RFTN1: variants seen among roughly 807,000 people sequenced by gnomAD.
RFTN1 encodes raftlin.
RFTN1 carries 26 observed loss-of-function variants against 46.5 expected under a neutral mutation model. That is an observed-to-expected ratio of 0.56 (90% CI 0.41 to 0.78). The LOEUF is 0.78. Ranked by LOEUF, RFTN1 falls within the 30% of genes least tolerant of loss-of-function variation. The pLI is 0.00. For synonymous variants in RFTN1, 261 were observed against 284.2 expected (o/e 0.92, Z 0.82); for missense variants, 693 against 718.7 (o/e 0.96, Z 0.41).
chr3:16,476,140 T>C (rs1030255247), intron 2 of RFTN1, among the ~76,000 whole-genome samples: 2 of 152,230 alleles, frequency 1.3e-5, no homozygotes, highest in African/African-American at 4.8e-5. Flanking sequence ...CTGTGCAAAC[T>C]GCATCCTCGC....
chr3:16,332,191 A>C lies in RFTN1; in HGVS notation c.1147-5315T>G, dbSNP rs984816965. On this transcript the variant is annotated intron_variant, in intron 7 of 9. Coordinates refer to ENST00000334133, the MANE Select transcript of RFTN1 (RefSeq NM_015150.2). ...AAATGTATTTTTCCCCCCTTTGATA[A>C]GTTTTCTCCCCTCCCTTTTCTATCT... 3.3e-5 allele frequency among the ~76,000 whole-genome samples: 5 copies of C among 151,786 alleles called. No individual in the cohort carries two copies. In the East Asian group the frequency reaches 9.6e-4, roughly 29 times the overall value.
At chr3:16,510,250 G>A (rs775352834) in intron 1 of RFTN1, among the ~76,000 whole-genome samples, 55 of 152,326 alleles carry the variant, frequency 3.6e-4, no homozygotes, top group Admixed American at 1.7e-3. Context: ...CCAAGCCGGT[G>A]AAATCCAAGG....
chr3:16,356,672 C>T lies in RFTN1; in HGVS notation c.1146+1260G>A, dbSNP rs957028221. Among the ~76,000 whole-genome samples, 2 of 152,240 alleles carry T rather than the reference C, an allele frequency of 1.3e-5. No homozygotes were observed. Among genetic ancestry groups the T allele is most frequent in the African/African-American group, 4.8e-5 (2 of 41,468 alleles). The stretch of plus-strand genomic sequence containing the variant: ...CTGGCAGGCACAAGGGTGTGGCAAG[C>T]ACTGGCTGTCTAGAGGGTCCCAGTG... On this transcript the variant is annotated intron_variant, in intron 7 of 9. Coordinates refer to ENST00000334133, the MANE Select transcript of RFTN1 (RefSeq NM_015150.2). This position sits in a 1 kb window ranked among gnomAD's most constrained non-coding sequence, Gnocchi z 4.9.
chr3:16,354,806 C>T (rs1006800962), intron 7 of RFTN1, among the ~76,000 whole-genome samples: 10 of 152,250 alleles, frequency 6.6e-5, no homozygotes, highest in Non-Finnish European at 5.9e-5. Flanking sequence ...TTACTATCAA[C>T]AGCCAAGAAC....
chr3:16,332,304 A>T, intron 7 of RFTN1, among the ~76,000 whole-genome samples: 2 of 150,184 alleles, frequency 1.3e-5, no homozygotes, highest in African/African-American at 2.5e-5. Context: ...TACTCTTTTA[A>T]TTTTGCTTTC....
rs115904034 is a variant in RFTN1, at chr3:16,501,382, A to G, written c.-8-7505T>C. 4.9e-3 allele frequency among the ~76,000 whole-genome samples: 753 copies of G among 152,368 alleles called. 5 individuals are homozygous for G. The highest frequency in any genetic ancestry group is 0.016 in the African/African-American group (652 of 41,592). On this transcript the variant is annotated intron_variant, in intron 1 of 9. Transcript: ENST00000334133. The stretch of plus-strand genomic sequence containing the variant: ...AGACTATTTTTCAGCTATAACGTAG[A>G]AAAGGCTTAGTTTAAAAGTTCATTT...
rs114705017 is a variant in RFTN1 at position 16,316,631 on chromosome 3, T to C, written c.*197A>G. ...CTAACACTGGGTCATTAATGACACC[T>C]TTCCAGTGGATGTGCAAAAACCAAC... is the stretch of plus-strand genomic sequence containing the variant. On this transcript the variant is annotated 3_prime_UTR_variant, in exon 10 of 10. Transcript: ENST00000334133. This position sits in a 1 kb window ranked among gnomAD's most constrained non-coding sequence, Gnocchi z 4.5. 5.2e-4 allele frequency: 354 copies of C among 675,942 alleles called. No homozygotes were observed. In the African/African-American group the frequency reaches 5.7e-3, roughly 11 times the overall value. 41.9% of individuals were successfully genotyped at this position (675,942 alleles called of 1,614,324 possible).
At chr3:16,437,490 C>T (rs2075538168) in intron 2 of RFTN1, among the ~76,000 whole-genome samples, 1 of 151,926 alleles carries the variant, frequency 6.6e-6, no homozygotes, top group African/African-American at 2.4e-5. Context: ...AAAACTCCAT[C>T]TGTACAAAAA....
At position 16,383,041 on chromosome 3, in the gene RFTN1, A is replaced by G. The variant is rs999274760; in HGVS notation, c.442-4939T>C. ...CAGCTCTTCTACAAAGAACTTTCACATGCATTCCCTTAGGCCTCAAAATCA... is the reference window on the plus strand; with the variant it reads ...CAGCTCTTCTACAAAGAACTTTCACGTGCATTCCCTTAGGCCTCAAAATCA... On this transcript the variant is annotated intron_variant, in intron 4 of 9. Coordinates refer to ENST00000334133, the MANE Select transcript of RFTN1 (RefSeq NM_015150.2). This position sits in a 1 kb window ranked among gnomAD's most constrained non-coding sequence, Gnocchi z 4.0. 8.5e-5 allele frequency among the ~76,000 whole-genome samples: 13 copies of G among 152,224 alleles called. No homozygotes were observed. The highest frequency in any genetic ancestry group is 1.5e-4 in the Non-Finnish European group (10 of 68,040).
Position 16,465,319 on chromosome 3 carries a change from G to A in RFTN1, c.145+28406C>T, listed in dbSNP as rs778114923. Among the ~76,000 whole-genome samples, 4 of 151,746 alleles carry A rather than the reference G, an allele frequency of 2.6e-5. No homozygotes were observed. Among genetic ancestry groups the A allele is most frequent in the Non-Finnish European group, 4.4e-5 (3 of 67,972 alleles). Reference sequence around the variant, plus strand: ...AAAAATGAGAAGTATCCTGAAGAATGTGTTCAATTTTTATCCATTTGATTG... The same window carrying A: ...AAAAATGAGAAGTATCCTGAAGAATATGTTCAATTTTTATCCATTTGATTG... On this transcript the variant is annotated intron_variant, in intron 2 of 9. Coordinates refer to ENST00000334133, the MANE Select transcript of RFTN1 (RefSeq NM_015150.2). The surrounding 1 kb of genome is among the most constrained non-coding windows in gnomAD (Gnocchi z 5.1).
At position 16,450,256 on chromosome 3, in the gene RFTN1, C is replaced by T. The variant is rs1375480406; in HGVS notation, c.146-16219G>A. 1.3e-5 allele frequency among the ~76,000 whole-genome samples: 2 copies of T among 152,230 alleles called. No homozygotes were observed. The highest frequency in any genetic ancestry group is 2.4e-5 in the African/African-American group (1 of 41,456). ...TCTTAAATTCTCCTCCCACCTCAGG[C>T]CTGCCTTGCTTGCAGCTCTGTCTGG... is the stretch of plus-strand genomic sequence containing the variant. On this transcript the variant is annotated intron_variant, in intron 2 of 9. Coordinates refer to ENST00000334133, the MANE Select transcript of RFTN1 (RefSeq NM_015150.2). This position sits in a 1 kb window ranked among gnomAD's most constrained non-coding sequence, Gnocchi z 4.6.
intron 2 of RFTN1, among the ~76,000 whole-genome samples, chr3:16,445,481 T>TCACACACACACA (rs752631378): frequency 8.5e-4 from 47 of 55,038 alleles, no homozygotes; most frequent in African/African-American, 3.4e-3. Context: ...TCTCTCTCTC[T>TCACACACACACA]CTCACACACA....
rs116376070 is a variant in RFTN1, at chr3:16,419,100, G to A, written c.333-9617C>T. 7.3e-3 allele frequency among the ~76,000 whole-genome samples: 1,112 copies of A among 152,300 alleles called. 6 individuals are homozygous for A. Among genetic ancestry groups the A allele is most frequent in the Non-Finnish European group, 0.011 (743 of 68,036 alleles). ...TTAATGAAGACCTAGATTGAGAAAA[G>A]CATGAGTTATATGATGGAAATAATA... is the stretch of plus-strand genomic sequence containing the variant. On this transcript the variant is annotated intron_variant, in intron 3 of 9. Coordinates refer to ENST00000334133, the MANE Select transcript of RFTN1 (RefSeq NM_015150.2).
At chr3:16,464,635 G>A (rs1428446830) in intron 2 of RFTN1, among the ~76,000 whole-genome samples, 4 of 152,224 alleles carry the variant, frequency 2.6e-5, no homozygotes, top group Admixed American at 6.5e-5. Context: ...TGCCAGTGTT[G>A]GGCAAACTAT....
At position 16,458,300 on chromosome 3, in the gene RFTN1, C is replaced by T. The variant is rs2075948762; in HGVS notation, c.146-24263G>A. Among the ~76,000 whole-genome samples the T allele has an allele frequency of 6.6e-6, 1 of 152,176 alleles. No homozygotes were observed. The highest frequency in any genetic ancestry group is 6.5e-5 in the Admixed American group (1 of 15,288). On this transcript the variant is annotated intron_variant, in intron 2 of 9. Transcript: ENST00000334133. The surrounding 1 kb of genome is among the most constrained non-coding windows in gnomAD (Gnocchi z 5.1). ...CAGGGGCAAGCATGGAAATAGATTGCTGCAGCATGTTCTGCTGTATTATTC... is the reference window on the plus strand; with the variant it reads ...CAGGGGCAAGCATGGAAATAGATTGTTGCAGCATGTTCTGCTGTATTATTC...
rs1479332402 is a variant in RFTN1, at chr3:16,376,217, CAGTGCCG to C, written c.826+1494_826+1500del. 6.6e-6 allele frequency among the ~76,000 whole-genome samples: 1 copy of C among 152,172 alleles called. No homozygotes were observed. The highest frequency in any genetic ancestry group is 6.5e-5 in the Admixed American group (1 of 15,280). On this transcript the variant is annotated intron_variant, in intron 5 of 9. Coordinates refer to ENST00000334133, the MANE Select transcript of RFTN1 (RefSeq NM_015150.2). The surrounding 1 kb of genome is among the most constrained non-coding windows in gnomAD (Gnocchi z 4.7). The stretch of plus-strand genomic sequence containing the variant: ...TAGCAGCTCATACTCATGAGTCAAA[CAGTGCCG>C]AGTGCTTTAAATGTACAACTTTAAC...
At chr3:16,419,200 T>C (rs2075140604) in intron 3 of RFTN1, among the ~76,000 whole-genome samples, 1 of 152,178 alleles carries the variant, frequency 6.6e-6, no homozygotes, top group Non-Finnish European at 1.5e-5. Context: ...ATGATGAGCC[T>C]AGGGAACGTG....
In RFTN1 at chr3:16,344,523, T is replaced by C. The variant is rs1249878106; in HGVS notation, c.1146+13409A>G. On this transcript the variant is annotated intron_variant, in intron 7 of 9. Coordinates refer to ENST00000334133, the MANE Select transcript of RFTN1 (RefSeq NM_015150.2). The surrounding 1 kb of genome is among the most constrained non-coding windows in gnomAD (Gnocchi z 4.4). ...CCCCTCGCCCAACTAGAATGCTTTATGTGGAGCCCAAGAGCATCCATGTTC... is the reference window on the plus strand; with the variant it reads ...CCCCTCGCCCAACTAGAATGCTTTACGTGGAGCCCAAGAGCATCCATGTTC... 1.3e-5 allele frequency among the ~76,000 whole-genome samples: 2 copies of C among 152,104 alleles called. No homozygotes were observed. The highest frequency in any genetic ancestry group is 2.9e-5 in the Non-Finnish European group (2 of 68,010).
rs1459027943 is a variant in RFTN1 at position 16,481,635 on chromosome 3, AC to A, written c.145+12089del. ...ACTGAAATTAAATAAATAGACACAC[AC>A]ACACTCTCCATAAAAACTCTGCTAC... On this transcript the variant is annotated intron_variant, in intron 2 of 9. Coordinates refer to ENST00000334133, the MANE Select transcript of RFTN1 (RefSeq NM_015150.2). This position sits in a 1 kb window ranked among gnomAD's most constrained non-coding sequence, Gnocchi z 5.1. 2.0e-5 allele frequency among the ~76,000 whole-genome samples: 3 copies of A among 152,234 alleles called. No homozygotes were observed. Among genetic ancestry groups the A allele is most frequent in the Non-Finnish European group, 4.4e-5 (3 of 68,038 alleles).
Sources: allele counts gnomAD v4.1 joint callset (sites outside exome capture counted in the v4.1 genomes callset), GRCh38; gene constraint gnomAD v4.1.1; non-coding constraint Gnocchi (gnomAD v3.1); transcripts MANE v1.5; gene names NCBI Gene and HGNC (gene_info 2026-07-23, HGNC 2026-07-21).